Variants in LYZL4 observed in about 807,000 individuals in gnomAD.
The protein encoded by LYZL4 is lysozyme-like protein 4.
LYZL4 carries 13 observed loss-of-function variants against 17.6 expected under a neutral mutation model. That is an observed-to-expected ratio of 0.74 (90% CI 0.48 to 1.18). The LOEUF is 1.18. LYZL4 is among the 50% of genes most tolerant of loss of function. The pLI is 0.00. For missense variants in LYZL4, 174 were observed against 188.2 expected, an observed-to-expected ratio of 0.92 and a Z score of 0.44; for synonymous variants, 64 against 67.7, an observed-to-expected ratio of 0.95 and a Z score of 0.27.
the LYZL4 span, among the ~76,000 whole-genome samples, chr3:42,369,965 T>C: frequency 1.3e-5 from 2 of 152,118 alleles, no homozygotes; most frequent in Admixed American, 1.3e-4. Flanking sequence ...GAGGACTGCT[T>C]GAGCTCAGGA....
At chr3:42,405,049 TGTC>T in intron 3 of LYZL4, among the ~76,000 whole-genome samples, 1 of 152,154 alleles carries the variant, frequency 6.6e-6, no homozygotes, top group South Asian at 2.1e-4. Flanking sequence ...CACAAGCTCA[TGTC>T]GTTCTTTTTT....
chr3:42,372,511 G>T, the LYZL4 span, among the ~76,000 whole-genome samples: 2 of 152,228 alleles, frequency 1.3e-5, no homozygotes, highest in African/African-American at 4.8e-5. Flanking sequence ...AGACAGTGAT[G>T]CAGCAGGCTT....
the LYZL4 span, among the ~76,000 whole-genome samples, chr3:42,384,671 A>C: frequency 0.015 from 2,344 of 152,360 alleles, 52 homozygotes; most frequent in Non-Finnish European, 0.02. Flanking sequence ...AGGAAAAAGA[A>C]GTTATAGTAG....
intron 4 of LYZL4, 112 bp from the exon 5 acceptor site, chr3:42,397,446 G>A (rs1698570631): frequency 1.4e-6 from 1 of 694,888 alleles, no homozygotes; most frequent in African/African-American, 1.8e-5. Flanking sequence ...GAGCCTTTGA[G>A]TTTTCCACCT....
chr3:42,407,310 AGG>A lies in LYZL4; in HGVS notation c.-61_-60del. ...TGGCCAGATGAGTGGGTGGAGTCACAGGGACACTGGTTCTCTGAAGGGAAAGA... is the reference window on the plus strand; with the variant it reads ...TGGCCAGATGAGTGGGTGGAGTCACAGACACTGGTTCTCTGAAGGGAAAGA... On this transcript the variant is annotated 5_prime_UTR_variant, in exon 2 of 5. Coordinates refer to ENST00000287748, the MANE Select transcript of LYZL4 (RefSeq NM_144634.4). The A allele has an allele frequency of 6.2e-7, 1 of 1,605,712 alleles. No individual in the cohort carries two copies. Among genetic ancestry groups the A allele is most frequent in the Non-Finnish European group, 8.5e-7 (1 of 1,175,480 alleles).
At chr3:42,379,806 T>C in the LYZL4 span, among the ~76,000 whole-genome samples, 1 of 152,176 alleles carries the variant, frequency 6.6e-6, no homozygotes, top group Non-Finnish European at 1.5e-5. Context: ...GAAATCCTAA[T>C]CCTCAATGTG....
the LYZL4 span, among the ~76,000 whole-genome samples, chr3:42,361,210 A>G: frequency 6.6e-6 from 1 of 152,152 alleles, no homozygotes; most frequent in African/African-American, 2.4e-5. Context: ...TTTCTTTTAC[A>G]TATGGTAACA....
At chr3:42,380,555 T>A in the LYZL4 span, among the ~76,000 whole-genome samples, 3 of 152,304 alleles carry the variant, frequency 2.0e-5, no homozygotes, top group East Asian at 5.8e-4. Context: ...GTTCTCTGTA[T>A]ACATAATTGT....
chr3:42,396,411 A>G (rs532075923), downstream of LYZL4, among the ~76,000 whole-genome samples: 1 of 152,340 alleles, frequency 6.6e-6, no homozygotes, highest in South Asian at 2.1e-4. Context: ...ACTCCATCCC[A>G]TGAAATAAGC....
the LYZL4 span, among the ~76,000 whole-genome samples, chr3:42,391,961 T>C: frequency 6.6e-6 from 1 of 151,900 alleles, no homozygotes; most frequent in Admixed American, 6.5e-5. Flanking sequence ...CCTCTGCCCC[T>C]GGGCTTAATC....
the LYZL4 span, among the ~76,000 whole-genome samples, chr3:42,386,921 A>G: frequency 1.1e-3 from 165 of 152,326 alleles, no homozygotes; most frequent in African/African-American, 3.8e-3. Flanking sequence ...GCTGATTGAT[A>G]AGTATGTGGG....
At chr3:42,375,389 T>C in the LYZL4 span, among the ~76,000 whole-genome samples, 1 of 152,178 alleles carries the variant, frequency 6.6e-6, no homozygotes, top group Non-Finnish European at 1.5e-5. Context: ...CTAAAGACAG[T>C]CAAAAGTCAA....
downstream of LYZL4, among the ~76,000 whole-genome samples, chr3:42,392,747 A>G (rs1698501766): frequency 6.6e-6 from 1 of 152,162 alleles, no homozygotes; most frequent in South Asian, 2.1e-4. Context: ...CAATCCTTAG[A>G]GATTCCAGTG....
the LYZL4 span, among the ~76,000 whole-genome samples, chr3:42,367,439 G>T: frequency 6.6e-6 from 1 of 152,316 alleles, no homozygotes; most frequent in Admixed American, 6.5e-5. Flanking sequence ...ACACAGACAT[G>T]GAAAATTTCA....
rs138184878 is a variant in LYZL4 at position 42,401,888 on chromosome 3, T to C, written c.371+2158A>G. ...TAGAAATGAGACAAGGCTGCCACTA[T>C]TGTCACTTCTATTCAACCTTCACTG... On this transcript the variant is annotated intron_variant, in intron 4 of 4. Transcript: ENST00000287748. 3.4e-3 allele frequency among the ~76,000 whole-genome samples: 512 copies of C among 152,198 alleles called. 3 individuals carry two copies. Among genetic ancestry groups the C allele is most frequent in the African/African-American group, 0.012 (480 of 41,542 alleles).
the LYZL4 span, among the ~76,000 whole-genome samples, chr3:42,370,461 G>C: frequency 6.6e-6 from 1 of 152,132 alleles, no homozygotes; most frequent in Non-Finnish European, 1.5e-5. Flanking sequence ...GGTAGCCCCT[G>C]GTCCAGGGAG....
chr3:42,366,463 C>A, the LYZL4 span, among the ~76,000 whole-genome samples: 9 of 152,196 alleles, frequency 5.9e-5, no homozygotes, highest in Non-Finnish European at 1.3e-4. Flanking sequence ...TCTCCCTCCC[C>A]AGAAGCCCTC....
At chr3:42,406,453 CAAAAAAAAAAA>C (rs565639489) in intron 3 of LYZL4, among the ~76,000 whole-genome samples, 7 of 84,178 alleles carry the variant, frequency 8.3e-5, no homozygotes, top group South Asian at 5.2e-4. Flanking sequence ...GACTCCGTCT[CAAAAAAAAAAA>C]AAAAAAAAAA....
the LYZL4 span, among the ~76,000 whole-genome samples, chr3:42,377,127 T>TA: frequency 6.6e-6 from 1 of 152,192 alleles, no homozygotes; most frequent in Non-Finnish European, 1.5e-5. Flanking sequence ...AGTAGGACAG[T>TA]ATTCCAGAGC....
Sources: allele counts gnomAD v4.1 joint callset (sites outside exome capture counted in the v4.1 genomes callset), GRCh38; gene constraint gnomAD v4.1.1; transcripts MANE v1.5; gene names NCBI Gene and HGNC (gene_info 2026-07-23, HGNC 2026-07-21).